The following NECAB1 variants were observed in gnomAD, a reference collection of about 807,000 sequenced individuals.
NECAB1 encodes N-terminal EF-hand calcium-binding protein 1.
Under a neutral mutation model 57.5 loss-of-function variants are expected in NECAB1, and 29 were observed. The ratio of observed to expected loss-of-function variants is 0.50; its 90% CI spans 0.38 to 0.69. NECAB1 has a LOEUF of 0.69. NECAB1 is among the 30% of genes least tolerant of loss of function. NECAB1 has a pLI of 0.00. For synonymous variants in NECAB1, 142 were observed against 147.7 expected, an observed-to-expected ratio of 0.96 and a Z score of 0.28; for missense variants, 372 against 413.8, an observed-to-expected ratio of 0.90 and a Z score of 0.88.
chr8:90,818,804 C>T lies in NECAB1; in HGVS notation c.125-5913C>T, dbSNP rs138386705. 2.3e-3 allele frequency among the ~76,000 whole-genome samples: 352 copies of T among 151,992 alleles called. 1 individual carries two copies. Among genetic ancestry groups the T allele is most frequent in the African/African-American group, 7.9e-3 (326 of 41,494 alleles). ...GTTTCTGTCATGAATTTTGTCTTGG[C>T]CATTATTATTTGAAATATTTCTTTT... On this transcript the variant is annotated intron_variant, in intron 2 of 12. Coordinates refer to ENST00000417640, the MANE Select transcript of NECAB1 (RefSeq NM_022351.5).
chr8:90,796,670 T>C (rs1162402258), intron 1 of NECAB1, among the ~76,000 whole-genome samples: 1 of 152,198 alleles, frequency 6.6e-6, no homozygotes, highest in African/African-American at 2.4e-5. Flanking sequence ...CCATAATATT[T>C]AAATTTATTT....
chr8:90,794,144 A>G (rs1811621785), intron 1 of NECAB1, among the ~76,000 whole-genome samples: 1 of 152,210 alleles, frequency 6.6e-6, no homozygotes, highest in African/African-American at 2.4e-5. Flanking sequence ...CAAATGGAAA[A>G]GATTTTGTTT....
intron 3 of NECAB1, among the ~76,000 whole-genome samples, chr8:90,847,197 A>C (rs1812583745): frequency 6.6e-6 from 1 of 152,354 alleles, no homozygotes; most frequent in Non-Finnish European, 1.5e-5. Flanking sequence ...AAATGGGAGA[A>C]ATTGGCCAAA....
intron 5 of NECAB1, among the ~76,000 whole-genome samples, chr8:90,915,823 C>T (rs933636404): frequency 6.6e-6 from 1 of 152,166 alleles, no homozygotes; most frequent in African/African-American, 2.4e-5. Context: ...TGGTGTAAGT[C>T]CAAGAGTCCA....
At chr8:90,833,416 T>C (rs1179793806) in intron 3 of NECAB1, among the ~76,000 whole-genome samples, 2 of 152,198 alleles carry the variant, frequency 1.3e-5, no homozygotes, top group Admixed American at 1.3e-4. Flanking sequence ...TTCTTTTTTT[T>C]TAATTTTACT....
At chr8:90,840,106 C>T (rs1665151257) in intron 3 of NECAB1, among the ~76,000 whole-genome samples, 2 of 152,134 alleles carry the variant, frequency 1.3e-5, no homozygotes, top group East Asian at 1.9e-4. Context: ...ATAATAATAA[C>T]AACAACAATA....
At chr8:90,908,149 A>G (rs1345609183) in intron 5 of NECAB1, among the ~76,000 whole-genome samples, 1 of 152,198 alleles carries the variant, frequency 6.6e-6, no homozygotes, top group African/African-American at 2.4e-5. Flanking sequence ...TATCCATCTG[A>G]CACATATACT....
At chr8:90,939,959 C>A (rs1465260040) in intron 9 of NECAB1, among the ~76,000 whole-genome samples, 1 of 152,196 alleles carries the variant, frequency 6.6e-6, no homozygotes, top group Non-Finnish European at 1.5e-5. Context: ...TGTTTATGCA[C>A]TTTTATGATT....
intron 10 of NECAB1, among the ~76,000 whole-genome samples, chr8:90,941,100 C>T (rs1405769759): frequency 2.6e-5 from 4 of 152,164 alleles, no homozygotes; most frequent in African/African-American, 7.2e-5. Flanking sequence ...AACCCCGTGT[C>T]GTCTAATCTT....
intron 2 of NECAB1, among the ~76,000 whole-genome samples, chr8:90,824,039 T>G (rs1242642201): frequency 6.4e-3 from 1 of 156 alleles, no homozygotes; most frequent in African/African-American, 0.025. Context: ...AAGAATCTTT[T>G]GTTACCCAAA....
intron 5 of NECAB1, among the ~76,000 whole-genome samples, chr8:90,910,377 T>C (rs1809802549): frequency 6.6e-6 from 1 of 152,172 alleles, no homozygotes; most frequent in South Asian, 2.1e-4. Flanking sequence ...TTAATAATTT[T>C]TTGCTGCTTT....
At chr8:90,905,984 C>A (rs902048033) in intron 5 of NECAB1, among the ~76,000 whole-genome samples, 8 of 152,058 alleles carry the variant, frequency 5.3e-5, no homozygotes, top group Non-Finnish European at 1.2e-4. Context: ...TTTTCATTAC[C>A]CTTTTTATGT....
intron 5 of NECAB1, among the ~76,000 whole-genome samples, chr8:90,908,006 A>G (rs1809735402): frequency 1.3e-5 from 2 of 152,200 alleles, no homozygotes. Context: ...GTTTAGATCA[A>G]AAGCAAGGAT....
intron 1 of NECAB1, among the ~76,000 whole-genome samples, chr8:90,794,168 A>C (rs943345322): frequency 6.6e-6 from 1 of 152,178 alleles, no homozygotes; most frequent in African/African-American, 2.4e-5. Flanking sequence ...CTTTTCTTTG[A>C]GTTATTTTGT....
intron 2 of NECAB1, chr8:90,813,214 AATATAT>A (rs1226940469): frequency 1.4e-5 from 2 of 140,672 alleles, no homozygotes; most frequent in Non-Finnish European, 3.0e-5. Flanking sequence ...TAAATAAATA[AATATAT>A]ATATATGTAT....
intron 10 of NECAB1, among the ~76,000 whole-genome samples, chr8:90,947,692 T>TA (rs1810844312): frequency 6.6e-6 from 1 of 152,182 alleles, no homozygotes; most frequent in African/African-American, 2.4e-5. Context: ...TGAGTCACTG[T>TA]GCCCGGCCTT....
At position 90,864,881 on chromosome 8, in the gene NECAB1, G is replaced by A. The variant is rs552982784; in HGVS notation, c.234-7247G>A. The stretch of plus-strand genomic sequence containing the variant: ...TAAAATACCCAAGGAGTATTCTAAC[G>A]GCCCCACTTATTCAGTGTGCTCAAT... On this transcript the variant is annotated intron_variant, in intron 3 of 12. Coordinates refer to ENST00000417640, the MANE Select transcript of NECAB1 (RefSeq NM_022351.5). 1.7e-4 allele frequency among the ~76,000 whole-genome samples: 26 copies of A among 152,126 alleles called. No homozygotes were observed. In the South Asian group the frequency reaches 3.3e-3, roughly 19 times the overall value.
Position 90,877,654 on chromosome 8 carries a change from G to A in NECAB1, c.260-3379G>A, listed in dbSNP as rs76271973. 5.0e-4 allele frequency among the ~76,000 whole-genome samples: 76 copies of A among 152,314 alleles called. No individual in the cohort carries two copies. In the East Asian group the frequency reaches 7.5e-3, roughly 15 times the overall value. On this transcript the variant is annotated intron_variant, in intron 4 of 12. Coordinates refer to ENST00000417640, the MANE Select transcript of NECAB1 (RefSeq NM_022351.5). ...CAAGCTCCTAGGTGAAACTAATGCT[G>A]CTGGTCCACAAAACAAACTTTGGAC...
At chr8:90,916,114 A>G (rs531820310) in intron 5 of NECAB1, among the ~76,000 whole-genome samples, 1 of 152,312 alleles carries the variant, frequency 6.6e-6, no homozygotes, top group Non-Finnish European at 1.5e-5. Context: ...TTTACACTCA[A>G]TATTAACCAT....
Sources: gnomAD v4.1 joint callset for allele counts (sites outside exome capture counted in the v4.1 genomes callset) on GRCh38, gnomAD v4.1.1 for gene constraint, MANE v1.5 for transcripts, NCBI Gene and HGNC (gene_info 2026-07-23, HGNC 2026-07-21) for gene names.